The following CNTNAP2 variants were observed in gnomAD, a reference collection of about 807,000 sequenced individuals.
CNTNAP2 encodes contactin-associated protein-like 2.
CNTNAP2 carries 98 observed loss-of-function variants against 155.2 expected under a neutral mutation model. That is an observed-to-expected ratio of 0.63 (90% CI 0.54 to 0.75). The LOEUF is 0.75. Ranked by LOEUF, CNTNAP2 falls within the 30% of genes least tolerant of loss-of-function variation. The probability of loss-of-function intolerance (pLI) is 0.00; values close to 1 mark genes in which losing one functional copy is unlikely to be tolerated. For missense variants in CNTNAP2, 1,727 were observed against 1,688.1 expected (o/e 1.02, Z -0.40); for synonymous variants, 651 against 631.2 (o/e 1.03, Z -0.47).
At chr7:148,311,284 T>C (rs1440706648) in intron 21 of CNTNAP2, among the ~76,000 whole-genome samples, 1 of 151,994 alleles carries the variant, frequency 6.6e-6, no homozygotes, top group African/African-American at 2.4e-5. Context: ...AGGTGTTGCC[T>C]AGTCTGCATG....
At chr7:146,129,951 C>T (rs1295214505) in intron 1 of CNTNAP2, among the ~76,000 whole-genome samples, 1 of 152,016 alleles carries the variant, frequency 6.6e-6, no homozygotes, top group Non-Finnish European at 1.5e-5. Context: ...AAGAAAAAGC[C>T]AAGCAAACAG....
intron 8 of CNTNAP2, among the ~76,000 whole-genome samples, chr7:147,215,054 C>T (rs912658762): frequency 6.6e-6 from 1 of 152,012 alleles, no homozygotes; most frequent in African/African-American, 2.4e-5. Context: ...GGGGAAACTA[C>T]CCCCATGATC....
chr7:147,706,604 G>A (rs977412629), intron 13 of CNTNAP2, among the ~76,000 whole-genome samples: 2 of 152,204 alleles, frequency 1.3e-5, no homozygotes, highest in African/African-American at 2.4e-5. Flanking sequence ...AATGTGCTGT[G>A]GAGAAGGCCT....
At position 147,629,011 on chromosome 7, in the gene CNTNAP2, A is replaced by G. The variant is rs1005975779; in HGVS notation, c.1898-10095A>G. 3.9e-5 allele frequency among the ~76,000 whole-genome samples: 6 copies of G among 152,116 alleles called. No individual in the cohort carries two copies. The East Asian group carries it at 9.6e-4, about 24-fold the overall frequency. ...TATAAGGGAATTATTACCAGACCTA[A>G]GATGTGAGATAGATGGCAACACAAT... On this transcript the variant is annotated intron_variant, in intron 12 of 23. Coordinates refer to ENST00000361727, the MANE Select transcript of CNTNAP2 (RefSeq NM_014141.6).
intron 14 of CNTNAP2, among the ~76,000 whole-genome samples, chr7:147,969,945 T>A (rs1191911970): frequency 6.6e-6 from 1 of 151,916 alleles, no homozygotes; most frequent in African/African-American, 2.4e-5. Context: ...TTATTTTATT[T>A]TATTTTTGAG....
chr7:146,457,293 C>G (rs73462732), intron 1 of CNTNAP2, among the ~76,000 whole-genome samples: 4,144 of 151,396 alleles, frequency 0.027, 138 homozygotes, highest in African/African-American at 0.074. Flanking sequence ...GGTACATAAA[C>G]TATAGATAGT....
At chr7:147,288,307 G>A (rs1805227573) in intron 8 of CNTNAP2, among the ~76,000 whole-genome samples, 1 of 152,178 alleles carries the variant, frequency 6.6e-6, no homozygotes, top group African/African-American at 2.4e-5. Context: ...CTCCCTGAGG[G>A]CAGGGGCCTT....
Position 146,182,726 on chromosome 7 carries a change from T to G in CNTNAP2, c.97+65753T>G, listed in dbSNP as rs1039550409. On this transcript the variant is annotated intron_variant, in intron 1 of 23. Transcript: ENST00000361727. ...GATTTGAAAATATCCTTCCCAAATCTAACTTCATTCTGTTTGACTTCGTAG... is the reference window on the plus strand; with the variant it reads ...GATTTGAAAATATCCTTCCCAAATCGAACTTCATTCTGTTTGACTTCGTAG... Among the ~76,000 whole-genome samples, 8 of 152,314 alleles carry G rather than the reference T, an allele frequency of 5.3e-5. No individual in the cohort carries two copies. The East Asian group carries it at 1.5e-3, about 29-fold the overall frequency.
At chr7:146,128,457 T>C (rs1797669151) in intron 1 of CNTNAP2, among the ~76,000 whole-genome samples, 1 of 152,152 alleles carries the variant, frequency 6.6e-6, no homozygotes, top group South Asian at 2.1e-4. Context: ...GTTGGGCTTC[T>C]CAAATAAAAG....
At chr7:146,209,722 T>C (rs1440936614) in intron 1 of CNTNAP2, among the ~76,000 whole-genome samples, 2 of 152,200 alleles carry the variant, frequency 1.3e-5, no homozygotes, top group Admixed American at 1.3e-4. Context: ...GGGAAATTTA[T>C]CCAAAATATA....
At position 148,142,095 on chromosome 7, in the gene CNTNAP2, G is replaced by C. The variant is rs199539444; in HGVS notation, c.2555-5396G>C. ...TTGTTAAGAGTAGAGATATGTCTCT[G>C]TGTGTGTGTGTGTGTGTGTGTGTGT... On this transcript the variant is annotated intron_variant, in intron 16 of 23. Transcript: ENST00000361727. 1.5e-3 allele frequency among the ~76,000 whole-genome samples: 177 copies of C among 121,246 alleles called. 1 individual carries two copies. The highest frequency in any genetic ancestry group is 8.9e-3 in the Middle Eastern group (2 of 224). 79.5% of individuals were successfully genotyped at this position (121,246 alleles called of 152,430 possible). A position where few individuals can be genotyped will look rare whatever the true frequency, so the allele number is the denominator to read the frequency against.
At chr7:146,284,424 A>T (rs1800296257) in intron 1 of CNTNAP2, among the ~76,000 whole-genome samples, 1 of 152,046 alleles carries the variant, frequency 6.6e-6, no homozygotes, top group Admixed American at 6.5e-5. Context: ...TGTTTTCCCC[A>T]CTATATAAAT....
intron 1 of CNTNAP2, among the ~76,000 whole-genome samples, chr7:146,549,559 C>T (rs914726925): frequency 2.6e-5 from 4 of 151,992 alleles, no homozygotes; most frequent in African/African-American, 9.7e-5. Context: ...TTGTGGAATA[C>T]ACATATATCT....
At chr7:146,959,592 C>T (rs1483822898) in intron 3 of CNTNAP2, among the ~76,000 whole-genome samples, 1 of 151,082 alleles carries the variant, frequency 6.6e-6, no homozygotes, top group East Asian at 2.0e-4. Context: ...TGGTGGCAGA[C>T]ACCTGTAATC....
intron 22 of CNTNAP2, among the ~76,000 whole-genome samples, chr7:148,396,959 T>G (rs1799482160): frequency 6.6e-6 from 1 of 152,250 alleles, no homozygotes; most frequent in South Asian, 2.1e-4. Context: ...CTAAAATGAT[T>G]TTCAATCATT....
intron 1 of CNTNAP2, among the ~76,000 whole-genome samples, chr7:146,443,087 G>A (rs543710319): frequency 4.6e-5 from 7 of 151,832 alleles, no homozygotes; most frequent in Admixed American, 4.6e-4. Context: ...GGTGGCGGGC[G>A]ACTGTAGTCC....
chr7:147,004,634 G>A (rs1416229949), intron 3 of CNTNAP2, among the ~76,000 whole-genome samples: 1 of 151,956 alleles, frequency 6.6e-6, no homozygotes, highest in Admixed American at 6.6e-5. Context: ...TCATCGTATG[G>A]CGGAGTTGAA....
At chr7:147,024,431 G>A (rs1020296119) in intron 3 of CNTNAP2, among the ~76,000 whole-genome samples, 27 of 152,120 alleles carry the variant, frequency 1.8e-4, no homozygotes, top group Admixed American at 4.6e-4. Context: ...GTACCGTATC[G>A]TGTAGAATGT....
At chr7:146,347,152 A>C (rs1168193401) in intron 1 of CNTNAP2, among the ~76,000 whole-genome samples, 2 of 151,630 alleles carry the variant, frequency 1.3e-5, no homozygotes, top group South Asian at 2.1e-4. Context: ...AAAAAAAAAA[A>C]AAAAAAAAAC....
Sources: allele counts gnomAD v4.1 joint callset (sites outside exome capture counted in the v4.1 genomes callset), GRCh38; gene constraint gnomAD v4.1.1; transcripts MANE v1.5; gene names NCBI Gene and HGNC (gene_info 2026-07-23, HGNC 2026-07-21).